The following CR1L variants were observed in gnomAD, a reference collection of about 807,000 sequenced individuals.
The protein encoded by CR1L is complement C3b/C4b receptor 1 like.
A neutral mutation model predicts 62.3 loss-of-function variants in CR1L; 59 were observed. That is an observed-to-expected ratio of 0.95 (90% CI 0.77 to 1.18). CR1L has a LOEUF of 1.18. CR1L is among the 50% of genes most tolerant of loss of function. The pLI is 0.00. For missense variants in CR1L, 700 were observed against 702.8 expected (o/e 1.00, Z 0.04); for synonymous variants, 279 against 248.7 (o/e 1.12, Z -1.15).
chr1:207,705,730 C>G (rs1351119859), intron 9 of CR1L, among the ~76,000 whole-genome samples: 1 of 152,034 alleles, frequency 6.6e-6, no homozygotes, highest in African/African-American at 2.4e-5. Context: ...GCGAACCTCC[C>G]TGCGGCATGA....
chr1:207,671,279 A>G (rs1284858229), intron 1 of CR1L, among the ~76,000 whole-genome samples: 1 of 151,004 alleles, frequency 6.6e-6, no homozygotes, highest in Non-Finnish European at 1.5e-5. Context: ...GCAGTCGTGC[A>G]AGACTGCAGG....
At position 207,669,496 on chromosome 1, in the gene CR1L, G is replaced by T. The variant is rs534144185; in HGVS notation, c.98-7893G>T. 5 of 1,581,920 alleles carry T rather than the reference G, an allele frequency of 3.2e-6. No homozygotes were observed. In the African/African-American group the frequency reaches 6.9e-5, roughly 22 times the overall value. On this transcript the variant is annotated intron_variant, in intron 1 of 11. Coordinates refer to ENST00000508064, the MANE Select transcript of CR1L (RefSeq NM_175710.2). ...GGAGCCTGTTGGGCAGCCGGCGCCCGGTCTCCCCTTCTGCTGCGGAGGATC... is the reference window on the plus strand; with the variant it reads ...GGAGCCTGTTGGGCAGCCGGCGCCCTGTCTCCCCTTCTGCTGCGGAGGATC...
At chr1:207,651,838 A>G (rs1663228323) in intron 1 of CR1L, among the ~76,000 whole-genome samples, 2 of 152,230 alleles carry the variant, frequency 1.3e-5, no homozygotes, top group Admixed American at 1.3e-4. Flanking sequence ...CAAGAAAGGA[A>G]AAACAATTCA....
intron 9 of CR1L, among the ~76,000 whole-genome samples, chr1:207,706,331 G>T (rs1664267466): frequency 6.6e-6 from 1 of 151,838 alleles, no homozygotes; most frequent in Non-Finnish European, 1.5e-5. Flanking sequence ...TGAGGTGAAA[G>T]GATCACCTCA....
Position 207,645,341 on chromosome 1 carries a change from G to T in CR1L, c.97+11G>T, listed in dbSNP as rs774274840. 23 of 1,613,516 alleles carry T rather than the reference G, an allele frequency of 1.4e-5. No individual in the cohort carries two copies. In the Admixed American group the frequency reaches 3.8e-4, roughly 27 times the overall value. ...TGTCCTCCTTCTCCGGTAGGACCCC[G>T]GGGTGGATTCGCGCGTCCGCGGCGA... is the stretch of plus-strand genomic sequence containing the variant. On this transcript the variant is annotated intron_variant, in intron 1 of 11. Coordinates refer to ENST00000508064, the MANE Select transcript of CR1L (RefSeq NM_175710.2).
At chr1:207,657,625 T>C (rs1663337326) in intron 1 of CR1L, among the ~76,000 whole-genome samples, 1 of 152,122 alleles carries the variant, frequency 6.6e-6, no homozygotes, top group African/African-American at 2.4e-5. Flanking sequence ...GGCTTAAAAA[T>C]AAGAAAGGTG....
At chr1:207,686,191 C>T (rs1482546585) in intron 4 of CR1L, among the ~76,000 whole-genome samples, 4 of 132,736 alleles carry the variant, frequency 3.0e-5, no homozygotes, top group African/African-American at 1.2e-4. Flanking sequence ...CTCCTTCCCT[C>T]CTTCCCTCCT....
chr1:207,650,111 G>C (rs529208843), intron 1 of CR1L, among the ~76,000 whole-genome samples: 2 of 152,216 alleles, frequency 1.3e-5, no homozygotes, highest in Admixed American at 1.3e-4. Flanking sequence ...GAGCTGTGTG[G>C]GGAGGCAATT....
At chr1:207,694,296 G>T in intron 4 of CR1L, 57 bp from the exon 5 acceptor site, 1 of 1,591,692 alleles carries the variant, frequency 6.3e-7, no homozygotes, top group South Asian at 1.1e-5. Flanking sequence ...ACAGTTTAGT[G>T]ACTCGTGAGA....
intron 4 of CR1L, among the ~76,000 whole-genome samples, chr1:207,685,182 G>A (rs12738067): frequency 2.6e-5 from 4 of 151,982 alleles, no homozygotes; most frequent in Admixed American, 2.0e-4. Flanking sequence ...TCTGTTTCTA[G>A]TTCTGTAAAC....
chr1:207,704,037 A>T (rs192855340), intron 9 of CR1L, among the ~76,000 whole-genome samples: 21 of 152,364 alleles, frequency 1.4e-4, no homozygotes, highest in African/African-American at 5.0e-4. Flanking sequence ...CCTCTGATGG[A>T]TCTGAACAAA....
intron 4 of CR1L, among the ~76,000 whole-genome samples, chr1:207,690,962 T>G (rs1443852583): frequency 2.6e-5 from 4 of 152,198 alleles, no homozygotes; most frequent in Non-Finnish European, 5.9e-5. Context: ...TTAATTTGAT[T>G]GTATCTACAA....
chr1:207,721,357 C>A, intron 11 of CR1L, among the ~76,000 whole-genome samples: 1 of 127,342 alleles, frequency 7.9e-6, no homozygotes, highest in African/African-American at 2.9e-5. Context: ...CCCACCCCAC[C>A]ACAGTCCCCA....
At chr1:207,646,710 C>CAAAAAAAAAAAAAAA (rs34443417) in intron 1 of CR1L, among the ~76,000 whole-genome samples, 1 of 64,730 alleles carries the variant, frequency 1.5e-5, no homozygotes, top group Non-Finnish European at 2.5e-5. Context: ...GACCCTGTCT[C>CAAAAAAAAAAAAAAA]AAAAAAAAAA....
chr1:207,667,450 T>A (rs962965071), intron 1 of CR1L, among the ~76,000 whole-genome samples: 1 of 152,198 alleles, frequency 6.6e-6, no homozygotes, highest in East Asian at 1.9e-4. Flanking sequence ...TCTATTACCT[T>A]CCTCTTATAA....
intron 9 of CR1L, among the ~76,000 whole-genome samples, chr1:207,703,226 A>G (rs1274148759): frequency 1.3e-5 from 2 of 152,220 alleles, no homozygotes; most frequent in Non-Finnish European, 2.9e-5. Flanking sequence ...ACAGCCATCT[A>G]TTGGACCTTC....
chr1:207,669,515 G>A (rs1661699001), intron 1 of CR1L: 1 of 1,581,532 alleles, frequency 6.3e-7, no homozygotes, highest in African/African-American at 1.4e-5. Flanking sequence ...TTCTGCTGCG[G>A]AGGATCCCTG....
At chr1:207,712,598 C>A (rs997790676) in intron 10 of CR1L, among the ~76,000 whole-genome samples, 14 of 152,316 alleles carry the variant, frequency 9.2e-5, no homozygotes, top group African/African-American at 3.4e-4. Context: ...TTTACCTGGG[C>A]AGGAAGTGTT....
chr1:207,697,799 A>C lies in CR1L; in HGVS notation c.1068A>C (p.Gln356His), dbSNP rs765271311. ...EVKSCDDFLG[Q>H]LPNGHVLFPL... ...AATCCTGTGATGACTTCCTGGGCCA[A>C]CTTCCTAATGGCCATGTGCTATTTC... is the stretch of plus-strand genomic sequence containing the variant. The change falls in exon 7 of 12, where the codon CAA becomes CAC. Residue 356 changes from glutamine (Q) to histidine (H), a missense_variant. By Grantham distance (24) the Gln-to-His change is conservative. Coordinates refer to ENST00000508064, the MANE Select transcript of CR1L (RefSeq NM_175710.2). 1 of 1,613,938 alleles carries C rather than the reference A, an allele frequency of 6.2e-7. No individual in the cohort carries two copies. The highest frequency in any genetic ancestry group is 8.5e-7 in the Non-Finnish European group (1 of 1,179,874).
Sources: gnomAD v4.1 joint callset for allele counts (sites outside exome capture counted in the v4.1 genomes callset) on GRCh38, gnomAD v4.1.1 for gene constraint, MANE v1.5 for transcripts, NCBI Gene and HGNC (gene_info 2026-07-23, HGNC 2026-07-21) for gene names.